The following SMAD3 variants were observed in gnomAD, a reference collection of about 807,000 sequenced individuals.
SMAD3 encodes SMAD family member 3.
In SMAD3, 12 loss-of-function variants were observed where a neutral mutation model predicts 51.8. The observed-to-expected ratio is 0.23, with a 90% CI of 0.15 to 0.38. The LOEUF is 0.38. Among genes scored for constraint, SMAD3 ranks in the 10% least tolerant of loss-of-function variants. SMAD3 has a pLI of 1.00. For synonymous variants in SMAD3, 238 were observed against 227.7 expected (o/e 1.05, Z -0.41); for missense variants, 294 against 565.6 (o/e 0.52, Z 4.87).
At chr15:67,100,721 A>G (rs1483740432) in intron 1 of SMAD3, among the ~76,000 whole-genome samples, 1 of 152,134 alleles carries the variant, frequency 6.6e-6, no homozygotes, top group Non-Finnish European at 1.5e-5. Flanking sequence ...TGTATTGGGT[A>G]GGAAAGAAAG....
chr15:67,136,965 C>A (rs976956779), intron 1 of SMAD3, among the ~76,000 whole-genome samples: 1 of 152,208 alleles, frequency 6.6e-6, no homozygotes, highest in Non-Finnish European at 1.5e-5. Context: ...GAGGTCAGCT[C>A]AATGGGCAGG....
chr15:67,163,939 A>AAAGG (rs1962498559), intron 1 of SMAD3, among the ~76,000 whole-genome samples: 1 of 102,198 alleles, frequency 9.8e-6, no homozygotes. Flanking sequence ...ACCCTGTATC[A>AAAGG]AAAGTAAAAA....
rs1299388466 is a variant in SMAD3, at chr15:67,191,940, AAAAAG to A, written c.*1409_*1413del. 4.4e-6 allele frequency: 1 copy of A among 228,246 alleles called. No homozygotes were observed. The highest frequency in any genetic ancestry group is 8.7e-6 in the Non-Finnish European group (1 of 114,660). 14.1% of individuals were successfully genotyped at this position (228,246 alleles called of 1,614,324 possible). A position where few individuals can be genotyped will look rare whatever the true frequency, so the allele number is the denominator to read the frequency against. On this transcript the variant is annotated 3_prime_UTR_variant, in exon 9 of 9. Coordinates refer to ENST00000327367, the MANE Select transcript of SMAD3 (RefSeq NM_005902.4). ...ACTAGTCTAAATTATTTCAACTGGA[AAAAAG>A]AAAAAAGAGTCCTCTTCTTTTCCCA...
intron 4 of SMAD3, 144 bp from the exon 5 acceptor site, chr15:67,170,410 C>A: frequency 1.4e-6 from 1 of 722,552 alleles, no homozygotes; most frequent in Admixed American, 2.0e-5. Context: ...AGGGTATGGG[C>A]TAGGCCTTCT....
chr15:67,157,325 G>A (rs1161120364), intron 1 of SMAD3, among the ~76,000 whole-genome samples: 3 of 152,220 alleles, frequency 2.0e-5, no homozygotes, highest in Non-Finnish European at 4.4e-5. Context: ...TTGATGAATG[G>A]TCACTTTTAA....
intron 7 of SMAD3, among the ~76,000 whole-genome samples, chr15:67,185,388 C>T (rs942995714): frequency 2.6e-5 from 4 of 152,094 alleles, no homozygotes; most frequent in Non-Finnish European, 4.4e-5. Flanking sequence ...GAGAAACATC[C>T]GGATCCTGAA....
At chr15:67,098,931 A>T (rs1360837224) in intron 1 of SMAD3, 1 of 702,442 alleles carries the variant, frequency 1.4e-6, no homozygotes, top group Non-Finnish European at 2.6e-6. Flanking sequence ...CAGGCAGCCC[A>T]TGGAGATGGG....
intron 6 of SMAD3, among the ~76,000 whole-genome samples, chr15:67,183,231 A>G (rs559872242): frequency 2.0e-5 from 3 of 151,270 alleles, no homozygotes; most frequent in African/African-American, 7.3e-5. Context: ...TTTAGTAGAT[A>G]TGGGGATTCA....
chr15:67,165,296 C>A lies in SMAD3; in HGVS notation c.444C>A (p.Ala148=). 2 of 1,614,226 alleles carry A rather than the reference C, an allele frequency of 1.2e-6. No homozygotes were observed. Among genetic ancestry groups the A allele is most frequent in the Non-Finnish European group, 1.7e-6 (2 of 1,180,046 alleles). ...VLVPRHTEIP[A]EFPPLDDYSH... ...TGCCACGCCACACAGAGATCCCGGC[C>A]GAGTTCCCCCCACTGGACGACTACA... Residue 148 remains alanine (A), a synonymous_variant, in exon 3 of 9, where the codon GCC becomes GCA. Transcript: ENST00000327367.
chr15:67,123,161 C>T (rs1043879105), intron 1 of SMAD3, among the ~76,000 whole-genome samples: 4 of 136,452 alleles, frequency 2.9e-5, no homozygotes, highest in Non-Finnish European at 6.1e-5. Flanking sequence ...TGTACTCTAG[C>T]CTGGGCAACA....
intron 1 of SMAD3, among the ~76,000 whole-genome samples, chr15:67,072,092 A>T (rs945221831): frequency 3.9e-5 from 6 of 152,244 alleles, no homozygotes; most frequent in Non-Finnish European, 1.5e-5. Context: ...ATGAAATTGA[A>T]AGAATTTGTT....
intron 4 of SMAD3, 149 bp from the exon 5 acceptor site, chr15:67,170,405 A>T (rs1230005104): frequency 1.4e-6 from 1 of 700,504 alleles, no homozygotes; most frequent in African/African-American, 1.8e-5. Context: ...AGGCAAGGGT[A>T]TGGGCTAGGC....
intron 3 of SMAD3, among the ~76,000 whole-genome samples, chr15:67,165,814 G>T (rs4562997): frequency 3.0e-4 from 45 of 152,124 alleles, no homozygotes; most frequent in African/African-American, 6.7e-4. Context: ...ATCAGGCCTC[G>T]GTGAGGGGCT....
chr15:67,097,207 T>C (rs752736386), intron 1 of SMAD3, among the ~76,000 whole-genome samples: 7 of 152,062 alleles, frequency 4.6e-5, no homozygotes, highest in Non-Finnish European at 1.0e-4. Flanking sequence ...GTGGTTTTTT[T>C]TGTTTGTTTG....
intron 1 of SMAD3, among the ~76,000 whole-genome samples, chr15:67,161,087 T>G (rs1356857855): frequency 6.6e-6 from 1 of 152,190 alleles, no homozygotes; most frequent in African/African-American, 2.4e-5. Flanking sequence ...GAGTTTAAGT[T>G]TCACTTCAGT....
chr15:67,168,997 G>C (rs1189827889), intron 4 of SMAD3, among the ~76,000 whole-genome samples: 1 of 152,156 alleles, frequency 6.6e-6, no homozygotes, highest in Admixed American at 6.5e-5. Context: ...GGACTTCCTA[G>C]GTCTTTGTGG....
At chr15:67,098,190 C>T (rs1253616615) in intron 1 of SMAD3, among the ~76,000 whole-genome samples, 2 of 152,152 alleles carry the variant, frequency 1.3e-5, no homozygotes, top group Admixed American at 1.3e-4. Context: ...CTGCTCACTA[C>T]TGTCCTGAGA....
intron 1 of SMAD3, among the ~76,000 whole-genome samples, chr15:67,085,889 CACACACACACAT>C (rs142888234): frequency 0.25 from 14,401 of 58,754 alleles, 1,188 homozygotes; most frequent in East Asian, 0.42. Flanking sequence ...CACACACACA[CACACACACACAT>C]ACACAGAGAA....
rs563772491 is a variant in SMAD3, at chr15:67,124,809, G to A, written c.207-40086G>A. Among the ~76,000 whole-genome samples the A allele has an allele frequency of 1.8e-4, 27 of 152,354 alleles. No individual in the cohort carries two copies. In the South Asian group the frequency reaches 5.2e-3, roughly 29 times the overall value. On this transcript the variant is annotated intron_variant, in intron 1 of 8. Coordinates refer to ENST00000327367, the MANE Select transcript of SMAD3 (RefSeq NM_005902.4). ...GGCTTGGAAGAGAAGATGTGGCACAGGGCAGCCGGGGAGAGGCTGGTGGCC... is the reference window on the plus strand; with the variant it reads ...GGCTTGGAAGAGAAGATGTGGCACAAGGCAGCCGGGGAGAGGCTGGTGGCC...
Sources: allele counts gnomAD v4.1 joint callset (sites outside exome capture counted in the v4.1 genomes callset), GRCh38; gene constraint gnomAD v4.1.1; transcripts MANE v1.5; gene names NCBI Gene and HGNC (gene_info 2026-07-23, HGNC 2026-07-21).